SATB1: variants seen among roughly 807,000 people sequenced by gnomAD.
The protein encoded by SATB1 is SATB homeobox 1, also known as DNA-binding protein SATB1.
A neutral mutation model predicts 86.9 loss-of-function variants in SATB1; 11 were observed. The ratio of observed to expected loss-of-function variants is 0.13; its 90% CI spans 0.08 to 0.21. SATB1 has a LOEUF of 0.21. SATB1 is among the 10% of genes least tolerant of loss of function. SATB1 has a pLI of 1.00. For missense variants in SATB1, 551 were observed against 937.6 expected (o/e 0.59, Z 5.39); for synonymous variants, 357 against 357.2 (o/e 1.00, Z 0.01).
Position 18,418,930 on chromosome 3 carries a change from C to T in SATB1, c.211+1827G>A, listed in dbSNP as rs9880862. ...TTGAGCAGGAAGTGAATTTACTGTA[C>T]TTTTAGTTTTCCTCCTCCTGTCCTG... On this transcript the variant is annotated intron_variant, in intron 2 of 10. Transcript: ENST00000338745. Among the ~76,000 whole-genome samples, 1,372 of 152,266 alleles carry T rather than the reference C, an allele frequency of 9.0e-3. 20 individuals are homozygous for T. Among genetic ancestry groups the T allele is most frequent in the African/African-American group, 0.031 (1,304 of 41,536 alleles).
rs1281463451 is a variant in SATB1, at chr3:18,444,951, G to A, written c.-25+567C>T. On this transcript the variant is annotated intron_variant, in intron 1 of 3. Transcript: ENST00000415069. This position sits in a 1 kb window ranked among gnomAD's most constrained non-coding sequence, Gnocchi z 5.1. ...GAGGGGGCGGCGGCGGGGGCGGGAG[G>A]GGGAAGGGGCCGGCGGGAGCTGCTC... 3 of 147,808 alleles carry A rather than the reference G, an allele frequency of 2.0e-5. No individual in the cohort carries two copies. Among genetic ancestry groups the A allele is most frequent in the African/African-American group, 5.0e-5 (2 of 40,048 alleles). The allele number at this position is 147,808 out of a possible 1,614,324, so 9.2% of individuals were successfully genotyped here.
chr3:18,388,610 A>C lies in SATB1; in HGVS notation c.1207-1999T>G, dbSNP rs182122138. Among the ~76,000 whole-genome samples, 249 of 152,218 alleles carry C rather than the reference A, an allele frequency of 1.6e-3. 4 individuals carry two copies. The South Asian group carries it at 0.039, about 24-fold the overall frequency. On this transcript the variant is annotated intron_variant, in intron 7 of 10. Transcript: ENST00000338745. ...TGTGTATAAAGACCACAATGGAGAA[A>C]ACAATCACAAACAGGTGATAGAAAC...
intron 8 of SATB1, among the ~76,000 whole-genome samples, chr3:18,384,230 C>G (rs1367512496): frequency 6.6e-6 from 1 of 152,098 alleles, no homozygotes. Flanking sequence ...AACTTATCAG[C>G]AGATAAAGCC....
At chr3:18,405,927 T>C (rs1019091887) in intron 5 of SATB1, among the ~76,000 whole-genome samples, 2 of 152,034 alleles carry the variant, frequency 1.3e-5, no homozygotes, top group Admixed American at 6.6e-5. Context: ...CAAATTAATC[T>C]GGCTTCATCT....
chr3:18,371,076 G>C (rs1376165872), intron 9 of SATB1, among the ~76,000 whole-genome samples: 1 of 152,176 alleles, frequency 6.6e-6, no homozygotes, highest in Non-Finnish European at 1.5e-5. Flanking sequence ...TACGAAATCA[G>C]AGGCACTGAG....
intron 5 of SATB1, chr3:18,411,196 T>G (rs1255637102): frequency 3.1e-6 from 1 of 323,130 alleles, no homozygotes; most frequent in Non-Finnish European, 5.5e-6. Flanking sequence ...GGCTTAAAGA[T>G]ATCTTTTCCA....
At chr3:18,380,381 C>T (rs1000491425) in intron 8 of SATB1, among the ~76,000 whole-genome samples, 17 of 151,300 alleles carry the variant, frequency 1.1e-4, no homozygotes, top group Admixed American at 4.0e-4. Context: ...CTTTGAGGTG[C>T]GCTATAATCA....
At position 18,348,600 on chromosome 3, in the gene SATB1, C is replaced by CA. The variant is rs1694180678; in HGVS notation, c.*569dup. ...AAAAAGTACAGTGAACTTTTATTTC[C>CA]AAAATAAAAACAAATTTGAATTACG... On this transcript the variant is annotated 3_prime_UTR_variant, in exon 11 of 11. Coordinates refer to ENST00000338745, the MANE Select transcript of SATB1 (RefSeq NM_002971.6). 2 of 151,478 alleles carry CA rather than the reference C, an allele frequency of 1.3e-5. No homozygotes were observed. The highest frequency in any genetic ancestry group is 2.9e-5 in the Non-Finnish European group (2 of 67,798). 9.4% of individuals were successfully genotyped at this position (151,478 alleles called of 1,614,324 possible).
chr3:18,402,734 AT>A (rs1416154926), intron 5 of SATB1, among the ~76,000 whole-genome samples: 1 of 152,154 alleles, frequency 6.6e-6, no homozygotes, highest in Non-Finnish European at 1.5e-5. Context: ...TGATATCATG[AT>A]CAAAACTTAT....
chr3:18,421,060 T>C (rs1575170530), intron 1 of SATB1, 69 bp from the exon 2 acceptor site: 1 of 1,060,778 alleles, frequency 9.4e-7, no homozygotes, highest in Non-Finnish European at 1.4e-6. Flanking sequence ...GTGTCCTATG[T>C]AAATGTTTTA....
chr3:18,375,637 T>C (rs1695706961), intron 9 of SATB1, among the ~76,000 whole-genome samples: 1 of 152,174 alleles, frequency 6.6e-6, no homozygotes. Context: ...TTCTGTTTCC[T>C]TCACAAAACA....
At chr3:18,362,795 A>C (rs900314765) in intron 9 of SATB1, among the ~76,000 whole-genome samples, 3 of 127,278 alleles carry the variant, frequency 2.4e-5, no homozygotes, top group Non-Finnish European at 4.7e-5. Context: ...TATAATATTT[A>C]TTTTCCTATT....
intron 2 of SATB1, among the ~76,000 whole-genome samples, chr3:18,420,525 A>C (rs1175106554): frequency 6.6e-6 from 1 of 152,194 alleles, no homozygotes; most frequent in African/African-American, 2.4e-5. Context: ...AGTCCTTATT[A>C]CCCAAAATGT....
At chr3:18,377,711 TGA>T (rs993514347) in intron 9 of SATB1, among the ~76,000 whole-genome samples, 49 of 152,138 alleles carry the variant, frequency 3.2e-4, no homozygotes, top group Non-Finnish European at 6.6e-4. Context: ...CCAGCTGAGT[TGA>T]GAGGCAACTA....
chr3:18,359,557 C>T (rs1363270049), intron 9 of SATB1, among the ~76,000 whole-genome samples: 2 of 151,914 alleles, frequency 1.3e-5, no homozygotes, highest in African/African-American at 4.8e-5. Context: ...TTCATATATA[C>T]GTCAAACCTG....
intron 9 of SATB1, among the ~76,000 whole-genome samples, chr3:18,372,334 A>T (rs1461995194): frequency 1.3e-5 from 2 of 152,236 alleles, no homozygotes; most frequent in African/African-American, 2.4e-5. Context: ...AGTTATGTCT[A>T]TATTTGTAAC....
rs1699347316 is a variant in SATB1, at chr3:18,444,993, G to C, written c.-25+525C>G. 1 of 161,944 alleles carries C rather than the reference G, an allele frequency of 6.2e-6. No homozygotes were observed. The highest frequency in any genetic ancestry group is 1.3e-5 in the Non-Finnish European group (1 of 78,348). The allele number at this position is 161,944 out of a possible 1,614,324, so 10.0% of individuals were successfully genotyped here. On this transcript the variant is annotated intron_variant, in intron 1 of 3. Coordinates refer to the SATB1 transcript ENST00000415069. The surrounding 1 kb of genome is among the most constrained non-coding windows in gnomAD (Gnocchi z 5.1). ...GAGCTGCTCTCGTCTCGTCGGTCGC[G>C]GCGCCTGCAGTCTGGAGGCGCACCG... is the stretch of plus-strand genomic sequence containing the variant.
At chr3:18,416,793 A>G in intron 3 of SATB1, 109 bp downstream of exon 3, 2 of 1,120,560 alleles carry the variant, frequency 1.8e-6, no homozygotes, top group Non-Finnish European at 2.5e-6. Flanking sequence ...TAAGGAACCA[A>G]TGTAATACAC....
chr3:18,385,358 C>T (rs992305076), intron 8 of SATB1, among the ~76,000 whole-genome samples: 3 of 152,140 alleles, frequency 2.0e-5, no homozygotes, highest in Admixed American at 6.5e-5. Flanking sequence ...CGCGGTGGCT[C>T]AGGCCTGTAA....
Sources: gnomAD v4.1 joint callset for allele counts (sites outside exome capture counted in the v4.1 genomes callset) on GRCh38, gnomAD v4.1.1 for gene constraint, Gnocchi (gnomAD v3.1) non-coding constraint, MANE v1.5 for transcripts, NCBI Gene and HGNC (gene_info 2026-07-23, HGNC 2026-07-21) for gene names.